The following SCN10A variants were observed in gnomAD, a reference collection of about 807,000 sequenced individuals.
SCN10A encodes sodium voltage-gated channel alpha subunit 10, also known as sodium channel protein type 10 subunit alpha.
In SCN10A, 162 loss-of-function variants were observed where a neutral mutation model predicts 170.7. The observed-to-expected ratio is 0.95, with a 90% CI of 0.84 to 1.08. The LOEUF is 1.08. Ranked by LOEUF, SCN10A falls within the 50% of genes least tolerant of loss-of-function variation. The pLI is 0.00. For synonymous variants in SCN10A, 985 were observed against 904.6 expected, an observed-to-expected ratio of 1.09 and a Z score of -1.59; for missense variants, 2,527 against 2,436.9, an observed-to-expected ratio of 1.04 and a Z score of -0.78.
chr3:38,706,992 C>T (rs935127471), intron 26 of SCN10A, among the ~76,000 whole-genome samples: 1 of 152,238 alleles, frequency 6.6e-6, no homozygotes, highest in African/African-American at 2.4e-5. Context: ...CTTAACCTGC[C>T]TCCAATCCTG....
chr3:38,742,298 C>T lies in SCN10A; in HGVS notation c.2099G>A (p.Gly700Asp), dbSNP rs1250669621. 5.0e-6 allele frequency: 8 copies of T among 1,610,998 alleles called. No homozygotes were observed. Among genetic ancestry groups the T allele is most frequent in the Non-Finnish European group, 6.8e-6 (8 of 1,178,786 alleles). The change falls in exon 14 of 28, where the codon GGC (glycine) becomes GAC (aspartate). Residue 700 changes from glycine to aspartate, a missense_variant. Coordinates refer to ENST00000449082, the MANE Select transcript of SCN10A (RefSeq NM_006514.4). ...SPTFEAMLQI[G>D]NIVFTIFFTA... ...ACCAGCCAGAGCACTCACGATGTTGCCTATCTGGAGCATGGCTTCGAAGGT... is the reference window on the plus strand; with the variant it reads ...ACCAGCCAGAGCACTCACGATGTTGTCTATCTGGAGCATGGCTTCGAAGGT...
chr3:38,727,915 A>G (rs1209789162), intron 16 of SCN10A, among the ~76,000 whole-genome samples: 2 of 152,116 alleles, frequency 1.3e-5, no homozygotes, highest in Non-Finnish European at 2.9e-5. Flanking sequence ...CTTCCTCCAA[A>G]CATGGAGTAG....
Position 38,707,336 on chromosome 3 carries a change from G to T in SCN10A, c.4329C>A (p.Tyr1443Ter). Residue 1443 changes from tyrosine (Y) to a stop codon, truncating the protein, a stop_gained, in exon 26 of 28, where the codon TAC becomes TAA. Coordinates refer to ENST00000449082, the MANE Select transcript of SCN10A (RefSeq NM_006514.4). LOFTEE classifies it high-confidence loss of function. ...TGGAGCCCAACTTCTTCATGGCATTGTAGTATTTCTTCTGCTCCTCTGTCA... is the reference window on the plus strand; with the variant it reads ...TGGAGCCCAACTTCTTCATGGCATTTTAGTATTTCTTCTGCTCCTCTGTCA... ...IFMTEEQKKYYNAMKKLGSKK... is the reference protein window; with the variant it reads ...IFMTEEQKKY 1 of 1,614,158 alleles carries T rather than the reference G, an allele frequency of 6.2e-7. No individual in the cohort carries two copies. Among genetic ancestry groups the T allele is most frequent in the East Asian group, 2.2e-5 (1 of 44,878 alleles).
chr3:38,736,459 G>C (rs2063561911), intron 15 of SCN10A, among the ~76,000 whole-genome samples: 1 of 150,448 alleles, frequency 6.6e-6, no homozygotes, highest in Non-Finnish European at 1.5e-5. Context: ...CCAGTTTTCT[G>C]AAAACTGAAA....
intron 12 of SCN10A, among the ~76,000 whole-genome samples, chr3:38,752,012 C>T (rs1281893388): frequency 6.6e-6 from 1 of 152,120 alleles, no homozygotes; most frequent in Admixed American, 6.5e-5. Flanking sequence ...GCAGAATAAA[C>T]CAGGAAACCT....
At chr3:38,749,829 T>A in intron 13 of SCN10A, among the ~76,000 whole-genome samples, 1 of 152,250 alleles carries the variant, frequency 6.6e-6, no homozygotes, top group East Asian at 1.9e-4. Context: ...AAGCAGATGC[T>A]AATTTGAACA....
At chr3:38,717,024 G>A (rs138839539) in intron 21 of SCN10A, among the ~76,000 whole-genome samples, 11 of 152,330 alleles carry the variant, frequency 7.2e-5, no homozygotes, top group East Asian at 3.9e-4. Flanking sequence ...TGCTTGGATG[G>A]AAGATGCGTG....
At chr3:38,780,215 TTAATA>T in intron 4 of SCN10A, among the ~76,000 whole-genome samples, 1 of 152,202 alleles carries the variant, frequency 6.6e-6, no homozygotes, top group African/African-American at 2.4e-5. Context: ...GTCTTTAATA[TTAATA>T]TGTCTGTGCA....
At chr3:38,783,560 G>A (rs1209626814) in intron 4 of SCN10A, among the ~76,000 whole-genome samples, 1 of 151,930 alleles carries the variant, frequency 6.6e-6, no homozygotes, top group Non-Finnish European at 1.5e-5. Flanking sequence ...ATTGCTGTAA[G>A]TTTTCTCATT....
chr3:38,806,666 G>A (rs1172355242), intron 1 of SCN10A, among the ~76,000 whole-genome samples: 1 of 152,104 alleles, frequency 6.6e-6, no homozygotes, highest in Non-Finnish European at 1.5e-5. Context: ...GAAGCATTAT[G>A]TAAGGTAAAT....
intron 2 of SCN10A, among the ~76,000 whole-genome samples, chr3:38,792,554 A>G (rs1370130251): frequency 6.6e-6 from 1 of 152,154 alleles, no homozygotes; most frequent in Non-Finnish European, 1.5e-5. Context: ...CTTGTTTTGT[A>G]ATGTTTCTTC....
At chr3:38,785,866 C>T (rs1021916146) in intron 4 of SCN10A, among the ~76,000 whole-genome samples, 1 of 152,184 alleles carries the variant, frequency 6.6e-6, no homozygotes, top group African/African-American at 2.4e-5. Flanking sequence ...AGCCAATAAA[C>T]ATATGATAAA....
chr3:38,705,098 T>C (rs2063196233), intron 26 of SCN10A, among the ~76,000 whole-genome samples: 1 of 152,226 alleles, frequency 6.6e-6, no homozygotes, highest in Admixed American at 6.5e-5. Flanking sequence ...GACCTATGGG[T>C]CCTGGAGTGC....
intron 1 of SCN10A, among the ~76,000 whole-genome samples, chr3:38,813,228 A>G (rs1466050539): frequency 2.0e-5 from 3 of 152,274 alleles, no homozygotes; most frequent in South Asian, 2.1e-4. Context: ...CTGCTGATGA[A>G]TTCATTCTAG....
At chr3:38,735,228 A>T (rs184024677) in intron 15 of SCN10A, among the ~76,000 whole-genome samples, 30 of 152,060 alleles carry the variant, frequency 2.0e-4, no homozygotes, top group African/African-American at 5.8e-4. Context: ...TTATTTTCAC[A>T]TGATGTGATT....
intron 4 of SCN10A, among the ~76,000 whole-genome samples, chr3:38,787,771 T>A (rs1291983820): frequency 6.6e-6 from 1 of 152,108 alleles, no homozygotes; most frequent in Non-Finnish European, 1.5e-5. Context: ...TGCTGCACCC[T>A]TCAACCCGTC....
Position 38,801,729 on chromosome 3 carries a change from T to C in SCN10A, c.-32-7687A>G, listed in dbSNP as rs1373617806. On this transcript the variant is annotated intron_variant, in intron 1 of 27. Coordinates refer to ENST00000449082, the MANE Select transcript of SCN10A (RefSeq NM_006514.4). ...AGCATTTGACTCTGTATAGTAGATATGATGTGGATAAACAGGTAATTATAG... is the reference window on the plus strand; with the variant it reads ...AGCATTTGACTCTGTATAGTAGATACGATGTGGATAAACAGGTAATTATAG... Among the ~76,000 whole-genome samples, 3 of 152,220 alleles carry C rather than the reference T, an allele frequency of 2.0e-5. No individual in the cohort carries two copies. In the East Asian group the frequency reaches 5.8e-4, roughly 29 times the overall value.
chr3:38,712,262 A>T lies in SCN10A; in HGVS notation c.3988T>A (p.Ser1330Thr), dbSNP rs1372622252. Reference sequence around the variant, plus strand: ...GTGGAGTTTTGAATCTTGCAGTCAGACTTGTTATTCACAATCGACAAAGGT... The same window carrying T: ...GTGGAGTTTTGAATCTTGCAGTCAGTCTTGTTATTCACAATCGACAAAGGT... ...LVPLSIVNNK[S>T]DCKIQNSTGS... The change falls in exon 23 of 28, where the codon TCT (serine) becomes ACT (threonine). Residue 1330 changes from serine (S) to threonine (T), a missense_variant. By Grantham distance (58) the Ser-to-Thr change is moderately conservative. Coordinates refer to ENST00000449082, the MANE Select transcript of SCN10A (RefSeq NM_006514.4). 4 of 1,614,236 alleles carry T rather than the reference A, an allele frequency of 2.5e-6. No individual in the cohort carries two copies. In the South Asian group the frequency reaches 4.4e-5, roughly 18 times the overall value.
rs1194959002 is a variant in SCN10A, at chr3:38,792,049, T to C, written c.389+1A>G. ...GGAAGAGGCAATCGTGCAAAGGATA[T>C]GAGTGGACAGACACTTTGATGGCCG... is the stretch of plus-strand genomic sequence containing the variant. On this transcript the variant is annotated splice_donor_variant, in intron 3 of 27. Coordinates refer to ENST00000449082, the MANE Select transcript of SCN10A (RefSeq NM_006514.4). LOFTEE classifies it high-confidence loss of function. 6.2e-7 allele frequency: 1 copy of C among 1,613,506 alleles called. No individual in the cohort carries two copies. The highest frequency in any genetic ancestry group is 1.1e-5 in the South Asian group (1 of 91,052).
Sources: gnomAD v4.1 joint callset for allele counts (sites outside exome capture counted in the v4.1 genomes callset) on GRCh38, gnomAD v4.1.1 for gene constraint, MANE v1.5 for transcripts, NCBI Gene and HGNC (gene_info 2026-07-23, HGNC 2026-07-21) for gene names.